The following RAB33A variants were observed in gnomAD, a reference collection of about 807,000 sequenced individuals.
RAB33A encodes ras-related protein Rab-33A.
RAB33A carries 6 observed loss-of-function variants against 12.0 expected under a neutral mutation model. The observed-to-expected ratio is 0.50, with a 90% CI of 0.27 to 0.99. The LOEUF is 0.99. Among genes scored for constraint, RAB33A ranks in the 50% least tolerant of loss-of-function variants. The probability of loss-of-function intolerance (pLI) is 0.11; values close to 1 mark genes in which losing one functional copy is unlikely to be tolerated. For missense variants in RAB33A, 109 were observed against 192.0 expected (o/e 0.57, Z 2.55); for synonymous variants, 70 against 82.4 (o/e 0.85, Z 0.81).
the RAB33A span, among the ~76,000 whole-genome samples, chrX:130,153,178 C>CAAAAAA: frequency 6.8e-5 from 3 of 43,913 alleles, no homozygotes; most frequent in African/African-American, 8.5e-5. Flanking sequence ...ACTAAAAATA[C>CAAAAAA]AAAAAAAAAA....
chrX:130,176,581 G>A (rs1239691748), intron 1 of RAB33A, among the ~76,000 whole-genome samples: 3 of 112,312 alleles, frequency 2.7e-5, no homozygotes, highest in Non-Finnish European at 5.6e-5. Flanking sequence ...TTCCTTGGAA[G>A]CTGCCTGCAG....
the RAB33A span, chrX:130,145,686 A>C: frequency 1.3e-5 from 7 of 536,608 alleles, no homozygotes; most frequent in Admixed American, 8.3e-5. Flanking sequence ...TTTCCAAAGT[A>C]AGTCTCCAAG....
At chrX:130,136,698 T>C in the RAB33A span, 8 of 1,208,637 alleles carry the variant, frequency 6.6e-6, no homozygotes, top group Non-Finnish European at 8.9e-6. Flanking sequence ...TCCAACGGAT[T>C]GCACAATAGC....
intron 1 of RAB33A, among the ~76,000 whole-genome samples, chrX:130,183,757 AT>A (rs1328089402): frequency 8.9e-6 from 1 of 111,735 alleles, no homozygotes; most frequent in African/African-American, 3.3e-5. Context: ...AAATCTTAAG[AT>A]TTTTTTCAAC....
At chrX:130,153,271 T>A in the RAB33A span, among the ~76,000 whole-genome samples, 1 of 98,002 alleles carries the variant, frequency 1.0e-5, no homozygotes, top group Non-Finnish European at 2.0e-5. Context: ...GAAAATGGCA[T>A]GAACCCGGGA....
chrX:130,122,998 A>C, the RAB33A span, among the ~76,000 whole-genome samples: 2 of 111,677 alleles, frequency 1.8e-5, no homozygotes, highest in African/African-American at 6.5e-5. Flanking sequence ...AAAAACAAAA[A>C]CCAGCAAAAC....
chrX:130,138,236 T>C, the RAB33A span, among the ~76,000 whole-genome samples: 35 of 111,038 alleles, frequency 3.2e-4, no homozygotes, highest in Middle Eastern at 0.014. Flanking sequence ...GAGGCCAAGG[T>C]GGGCGGATCA....
At chrX:130,137,602 C>T in the RAB33A span, 1 of 1,137,332 alleles carries the variant, frequency 8.8e-7, no homozygotes, top group Non-Finnish European at 1.2e-6. Context: ...AGCTGGGAAC[C>T]ATCATGTGCC....
At chrX:130,179,946 C>A (rs1298017929) in intron 1 of RAB33A, among the ~76,000 whole-genome samples, 1 of 108,326 alleles carries the variant, frequency 9.2e-6, no homozygotes, top group African/African-American at 3.4e-5. Flanking sequence ...GATGCAGACT[C>A]AAAGTGCAAC....
At chrX:130,165,488 G>C in the RAB33A span, 1 of 976,549 alleles carries the variant, frequency 1.0e-6, no homozygotes, top group East Asian at 3.3e-5. Context: ...AGGGCTGCAA[G>C]GCACAGGGAG....
intron 1 of RAB33A, among the ~76,000 whole-genome samples, chrX:130,175,964 A>C (rs2031660868): frequency 9.0e-6 from 1 of 111,731 alleles, no homozygotes; most frequent in Non-Finnish European, 1.9e-5. Flanking sequence ...CCTAGAACTC[A>C]TGTCTCCTAA....
upstream of RAB33A, among the ~76,000 whole-genome samples, chrX:130,167,025 A>G (rs1191183057): frequency 3.6e-5 from 4 of 112,470 alleles, no homozygotes; most frequent in Non-Finnish European, 5.6e-5. Flanking sequence ...AGTGCCGGAC[A>G]GAGCAAGAGA....
chrX:130,169,011 G>T (rs367913107), upstream of RAB33A, among the ~76,000 whole-genome samples: 76 of 109,978 alleles, frequency 6.9e-4, no homozygotes, highest in East Asian at 7.5e-3. Flanking sequence ...ATCGAGACCA[G>T]CCTGGCTAAC....
chrX:130,161,640 C>T, the RAB33A span, among the ~76,000 whole-genome samples: 2 of 102,003 alleles, frequency 2.0e-5, no homozygotes, highest in Admixed American at 2.1e-4. Flanking sequence ...CAGATTCTCG[C>T]TCTGTCGTCC....
rs60085312 is a variant in RAB33A at position 130,181,007 on chromosome X, C to CAAAA, written c.259-3254_259-3251dup. ...TGGGCAACAGAGCAACAGTCCATCTCAAAAAAAAAAAAAAAAAAAAAAAAA... is the reference window on the plus strand; with the variant it reads ...TGGGCAACAGAGCAACAGTCCATCTCAAAAAAAAAAAAAAAAAAAAAAAAAAAAA... On this transcript the variant is annotated intron_variant, in intron 1 of 1. Transcript: ENST00000257017. Among the ~76,000 whole-genome samples the CAAAA allele has an allele frequency of 1.1e-3, 9 of 8,123 alleles. 2 individuals carry two copies. The highest frequency in any genetic ancestry group is 4.3e-3 in the Admixed American group (2 of 466). The allele number at this position is 8,123 out of a possible 115,157, so 7.1% of individuals were successfully genotyped here.
At chrX:130,165,597 C>T in the RAB33A span, 1 of 1,202,291 alleles carries the variant, frequency 8.3e-7, no homozygotes, top group Non-Finnish European at 1.1e-6. Context: ...ACACGGTCCG[C>T]ACCAAGGGCA....
chrX:130,129,889 C>T, the RAB33A span: 1 of 1,135,980 alleles, frequency 8.8e-7, no homozygotes, highest in Non-Finnish European at 1.2e-6. Context: ...GACAATGCAT[C>T]TCAGGGCACC....
the RAB33A span, among the ~76,000 whole-genome samples, chrX:130,117,539 A>AT: frequency 9.0e-6 from 1 of 111,443 alleles, no homozygotes; most frequent in African/African-American, 3.3e-5. Flanking sequence ...GGTGTGGGAG[A>AT]TGGAAAGACA....
chrX:130,155,355 T>G, the RAB33A span: 2 of 1,153,028 alleles, frequency 1.7e-6, no homozygotes, highest in Non-Finnish European at 2.4e-6. Context: ...TGAAGAAACA[T>G]TCAATACAAA....
Sources: allele counts gnomAD v4.1 joint callset (sites outside exome capture counted in the v4.1 genomes callset), GRCh38; gene constraint gnomAD v4.1.1; transcripts MANE v1.5; gene names NCBI Gene and HGNC (gene_info 2026-07-23, HGNC 2026-07-21).